The following USP4 variants were observed in gnomAD, a reference collection of about 807,000 sequenced individuals.
USP4 encodes the protein ubiquitin carboxyl-terminal hydrolase 4.
In USP4, 72 loss-of-function variants were observed where a neutral mutation model predicts 118.2. The observed-to-expected ratio is 0.61, with a 90% CI of 0.50 to 0.74. USP4 has a LOEUF of 0.74. Ranked by LOEUF, USP4 falls within the 30% of genes least tolerant of loss-of-function variation. The probability of loss-of-function intolerance (pLI) is 0.00; values close to 1 mark genes in which losing one functional copy is unlikely to be tolerated. For synonymous variants in USP4, 415 were observed against 440.4 expected, an observed-to-expected ratio of 0.94 and a Z score of 0.72; for missense variants, 1,037 against 1,185.7, an observed-to-expected ratio of 0.87 and a Z score of 1.84.
intron 8 of USP4, among the ~76,000 whole-genome samples, chr3:49,306,321 G>A (rs576928947): frequency 3.8e-4 from 58 of 151,292 alleles, no homozygotes; most frequent in Middle Eastern, 3.4e-3. Flanking sequence ...TCCTGCCTCG[G>A]CCTCCTGAGT....
At chr3:49,309,972 A>G (rs1575611488) in intron 8 of USP4, among the ~76,000 whole-genome samples, 2 of 2,530 alleles carry the variant, frequency 7.9e-4, no homozygotes, top group African/African-American at 1.8e-3. Context: ...TTTTTGAGAC[A>G]GAGTCTCACT....
chr3:49,287,179 G>A (rs1211275608), intron 15 of USP4, among the ~76,000 whole-genome samples: 7 of 151,404 alleles, frequency 4.6e-5, no homozygotes, highest in Admixed American at 4.6e-4. Context: ...TTTTGAGACG[G>A]AGTCTCACTC....
At position 49,310,714 on chromosome 3, in the gene USP4, T is replaced by C. The variant is rs2047374006; in HGVS notation, c.860A>G (p.Tyr287Cys). The change falls in exon 8 of 22, where the codon TAT (tyrosine) becomes TGT (cysteine). Residue 287 changes from tyrosine (Y) to cysteine (C), a missense_variant. Tyr to Cys is a radical substitution (Grantham distance 194). This residue lies in a region of USP4 where 487 missense variants were observed against 534.1 expected (regional missense o/e 0.91). Transcript: ENST00000265560. ...AGAGGATGGTGGCTCCTGACAATTA[T>C]ACGAAGCAGAAAAGCCAGATCCACT... ...SRGGSGFSASYNCQEPPSSHI... is the reference protein window; with the variant it reads ...SRGGSGFSASCNCQEPPSSHI... 1 of 1,614,158 alleles carries C rather than the reference T, an allele frequency of 6.2e-7. No individual in the cohort carries two copies. The highest frequency in any genetic ancestry group is 8.5e-7 in the Non-Finnish European group (1 of 1,180,024).
chr3:49,329,446 G>GC (rs1172762415), intron 2 of USP4, among the ~76,000 whole-genome samples: 2 of 152,050 alleles, frequency 1.3e-5, no homozygotes, highest in African/African-American at 4.8e-5. Flanking sequence ...TATCACCCAG[G>GC]CTGAAGTGCA....
At position 49,335,521 on chromosome 3, in the gene USP4, C is replaced by T; in HGVS notation, c.177G>A (p.Val59=). ...VGFDSWDMYN[V]GEHNLFPGPI... ...GGCCAGGAAATAGGTTATGTTCACC[C>T]ACATTGTACATGTCCCAGCTGTCAA... The change falls in exon 2 of 22, where the codon GTG becomes GTA. Residue 59 remains valine (V), a synonymous_variant. Coordinates refer to ENST00000265560, the MANE Select transcript of USP4 (RefSeq NM_003363.4). The T allele has an allele frequency of 6.2e-7, 1 of 1,614,188 alleles. No homozygotes were observed. The highest frequency in any genetic ancestry group is 8.5e-7 in the Non-Finnish European group (1 of 1,180,042).
rs759841349 is a variant in USP4 at position 49,324,993 on chromosome 3, C to G, written c.534G>C (p.Glu178Asp). The part of the protein sequence containing the change: ...EMRKLFNIPA[E>D]RETRLWNKYM... Reference sequence around the variant, plus strand: ...ATTTGTTCCAGAGCCGTGTTTCACGCTCCGCAGGGATGTTGAATAGCTTCC... The same window carrying G: ...ATTTGTTCCAGAGCCGTGTTTCACGGTCCGCAGGGATGTTGAATAGCTTCC... Residue 178 changes from glutamate to aspartate, a missense_variant, in exon 5 of 22, where the codon GAG becomes GAC. By Grantham distance (45) the Glu-to-Asp change is conservative (BLOSUM62 2). This residue lies in a region of USP4 where 487 missense variants were observed against 534.1 expected (regional missense o/e 0.91). Coordinates refer to ENST00000265560, the MANE Select transcript of USP4 (RefSeq NM_003363.4). 6 of 1,613,924 alleles carry G rather than the reference C, an allele frequency of 3.7e-6. No individual in the cohort carries two copies. Among genetic ancestry groups the G allele is most frequent in the Non-Finnish European group, 5.1e-6 (6 of 1,180,026 alleles).
intron 2 of USP4, among the ~76,000 whole-genome samples, chr3:49,334,189 C>T (rs1402290914): frequency 6.6e-6 from 1 of 152,162 alleles, no homozygotes; most frequent in East Asian, 1.9e-4. Context: ...CAAATACCTA[C>T]AAAATTTGCT....
intron 2 of USP4, among the ~76,000 whole-genome samples, chr3:49,333,017 C>G (rs1205050486): frequency 7.9e-6 from 1 of 126,288 alleles, no homozygotes; most frequent in Non-Finnish European, 1.7e-5. Flanking sequence ...CAGTAGCTAC[C>G]TTTTTTTTTT....
intron 10 of USP4, 129 bp downstream of exon 10, chr3:49,302,255 T>A: frequency 2.3e-6 from 2 of 882,408 alleles, no homozygotes; most frequent in Non-Finnish European, 3.3e-6. Context: ...CATATCCCTA[T>A]AACTAGCTAC....
chr3:49,318,486 A>C (rs565750139), intron 6 of USP4: 342 of 985,450 alleles, frequency 3.5e-4, no homozygotes, highest in Admixed American at 1.4e-3. Context: ...GAAAGAGACA[A>C]AGCCAGGTCT....
chr3:49,299,108 G>A (rs2047238230), intron 11 of USP4, among the ~76,000 whole-genome samples: 1 of 150,302 alleles, frequency 6.7e-6, no homozygotes, highest in African/African-American at 2.5e-5. Context: ...TTTTTTTTCT[G>A]AGACACAGTC....
Position 49,278,267 on chromosome 3 carries a change from AG to A in USP4, c.*25del, listed in dbSNP as rs775153867. The stretch of plus-strand genomic sequence containing the variant: ...TCCTGGGGGATTACACTGGCGCTAC[AG>A]GGTGGCAGGATCGTGGAGTCAGCAT... On this transcript the variant is annotated 3_prime_UTR_variant, in exon 22 of 22. Coordinates refer to ENST00000265560, the MANE Select transcript of USP4 (RefSeq NM_003363.4). 1.2e-6 allele frequency: 2 copies of A among 1,608,908 alleles called. No individual in the cohort carries two copies. The highest frequency in any genetic ancestry group is 1.7e-6 in the Non-Finnish European group (2 of 1,178,162).
At chr3:49,310,140 G>T (rs1016121544) in intron 8 of USP4, among the ~76,000 whole-genome samples, 1 of 149,688 alleles carries the variant, frequency 6.7e-6, no homozygotes, top group Non-Finnish European at 1.5e-5. Flanking sequence ...GTAGAGATGG[G>T]GGTTTCACCA....
chr3:49,324,944 A>G lies in USP4; in HGVS notation c.583T>C (p.Leu195=), dbSNP rs1194794225. The change falls in exon 5 of 22, where the codon TTG becomes CTG. Residue 195 remains leucine (L), a synonymous_variant. Coordinates refer to ENST00000265560, the MANE Select transcript of USP4 (RefSeq NM_003363.4). ...TGGACAGTGTTGTCTAGCTTGCTCA[A>G]CTGCTCGTAGGTGTTGCTCATGTAT... is the stretch of plus-strand genomic sequence containing the variant. The part of the protein sequence containing the change: ...NKYMSNTYEQ[L]SKLDNTVQDA... The G allele has an allele frequency of 1.9e-6, 3 of 1,613,958 alleles. No homozygotes were observed. Among genetic ancestry groups the G allele is most frequent in the African/African-American group, 1.3e-5 (1 of 74,960 alleles).
intron 6 of USP4, among the ~76,000 whole-genome samples, chr3:49,315,707 C>T (rs1473618972): frequency 6.6e-6 from 1 of 152,150 alleles, no homozygotes; most frequent in Non-Finnish European, 1.5e-5. Flanking sequence ...GCTCCCCAGG[C>T]ATGTCACGTG....
At chr3:49,335,353 T>TA in intron 2 of USP4, 116 bp downstream of exon 2, 1 of 1,382,740 alleles carries the variant, frequency 7.2e-7, no homozygotes, top group Non-Finnish European at 1.0e-6. Context: ...AAAATGAGGA[T>TA]ACTTGTTTCT....
At chr3:49,306,528 G>A (rs2047320307) in intron 8 of USP4, among the ~76,000 whole-genome samples, 2 of 151,738 alleles carry the variant, frequency 1.3e-5, no homozygotes, top group South Asian at 2.1e-4. Flanking sequence ...TGTTCTTAAC[G>A]CTATTAGTTC....
At chr3:49,312,525 CAGG>C (rs1323369308) in intron 6 of USP4, 4 of 452,382 alleles carry the variant, frequency 8.8e-6, no homozygotes, top group Admixed American at 7.1e-5. Flanking sequence ...GAAGCTGAGG[CAGG>C]AGAATTGCTT....
chr3:49,288,397 G>A (rs541090301), intron 15 of USP4, among the ~76,000 whole-genome samples: 1 of 152,154 alleles, frequency 6.6e-6, no homozygotes, highest in African/African-American at 2.4e-5. Flanking sequence ...TATTTCACAG[G>A]ATGAGAAAAA....
Sources: allele counts gnomAD v4.1 joint callset (sites outside exome capture counted in the v4.1 genomes callset), GRCh38; gene constraint gnomAD v4.1.1; regional missense constraint gnomAD v4.1.1; transcripts MANE v1.5; gene names NCBI Gene and HGNC (gene_info 2026-07-23, HGNC 2026-07-21).